The following ZMIZ1 variants were observed in gnomAD, a reference collection of about 807,000 sequenced individuals.
The protein encoded by ZMIZ1 is zinc finger MIZ-type containing 1.
A neutral mutation model predicts 113.9 loss-of-function variants in ZMIZ1; 17 were observed. That is an observed-to-expected ratio of 0.15 (90% confidence interval 0.10 to 0.22). The LOEUF is 0.22. Among genes scored for constraint, ZMIZ1 ranks in the 10% least tolerant of loss-of-function variants. The pLI, the probability that ZMIZ1 is intolerant of heterozygous loss-of-function variation, is 1.00. For synonymous variants in ZMIZ1, 607 were observed against 603.1 expected (o/e 1.01, Z -0.09); for missense variants, 1,059 against 1,477.8 (o/e 0.72, Z 4.65).
chr10:79,075,557 CTGCACACACA>C lies in ZMIZ1; in HGVS notation c.-337+6306_-337+6315del, dbSNP rs544887618. On this transcript the variant is annotated intron_variant, in intron 1 of 24. Coordinates refer to ENST00000334512, the MANE Select transcript of ZMIZ1 (RefSeq NM_020338.4). ...TGTGTGTGTGCACACCTGCACACAG[CTGCACACACA>C]TGCACACACATGCACACATGCACAC... Among the ~76,000 whole-genome samples, 254 of 81,750 alleles carry C rather than the reference CTGCACACACA, an allele frequency of 3.1e-3. 1 individual carries two copies. Among genetic ancestry groups the C allele is most frequent in the African/African-American group, 0.011 (221 of 19,878 alleles). The allele number at this position is 81,750 out of a possible 152,430, so 53.6% of individuals were successfully genotyped here.
intron 7 of ZMIZ1, among the ~76,000 whole-genome samples, chr10:79,269,262 TGTATC>T (rs1327957824): frequency 6.6e-6 from 1 of 152,026 alleles, no homozygotes; most frequent in African/African-American, 2.4e-5. Context: ...CATCTGAAAA[TGTATC>T]ATTCATATTT....
At chr10:79,159,847 C>T (rs1237130423) in intron 3 of ZMIZ1, among the ~76,000 whole-genome samples, 1 of 152,176 alleles carries the variant, frequency 6.6e-6, no homozygotes, top group Admixed American at 6.5e-5. Flanking sequence ...TCTCAGTTTG[C>T]CCCTTTGCAC....
At chr10:79,210,303 G>A (rs897720527) in intron 6 of ZMIZ1, among the ~76,000 whole-genome samples, 3 of 152,218 alleles carry the variant, frequency 2.0e-5, no homozygotes, top group African/African-American at 7.2e-5. Context: ...CGGCCTGGAT[G>A]GACCAGGAAC....
At chr10:79,165,986 G>GTGTGTGTA (rs1846323494) in intron 4 of ZMIZ1, among the ~76,000 whole-genome samples, 1 of 148,054 alleles carries the variant, frequency 6.8e-6, no homozygotes, top group African/African-American at 2.6e-5. Context: ...GTGTGTGTGT[G>GTGTGTGTA]TGTGTGTGTG....
chr10:79,089,084 G>C (rs1462414851), intron 1 of ZMIZ1, among the ~76,000 whole-genome samples: 2 of 152,226 alleles, frequency 1.3e-5, no homozygotes, highest in African/African-American at 4.8e-5. Context: ...CTGTGGACAT[G>C]GTTGTCTGCC....
At position 79,312,704 on chromosome 10, in the gene ZMIZ1, G is replaced by T. The variant is rs148303903; in HGVS notation, c.3159G>T (p.Pro1053=). The T allele has an allele frequency of 6.2e-7, 1 of 1,614,162 alleles. No individual in the cohort carries two copies. The highest frequency in any genetic ancestry group is 8.5e-7 in the Non-Finnish European group (1 of 1,180,012). The part of the protein sequence containing the change: ...LLSYLDPPDL[P]SNSNDDLLSL... The stretch of plus-strand genomic sequence containing the variant: ...CTTATCTGGACCCCCCCGACCTGCC[G>T]AGCAATAGTAACGATGACCTCCTGT... Residue 1053 remains proline, a synonymous_variant, in exon 25 of 25, where the codon CCG becomes CCT. Transcript: ENST00000334512.
At chr10:79,081,470 GTCTGGCTTCTGCTTTTCAAGC>G (rs1470325418) in intron 1 of ZMIZ1, among the ~76,000 whole-genome samples, 1 of 152,174 alleles carries the variant, frequency 6.6e-6, no homozygotes, top group African/African-American at 2.4e-5. Flanking sequence ...GAAGAAAGTG[GTCTGGCTTCTGCTTTTCAAGC>G]AGGGTCAGAC....
chr10:79,194,074 C>T (rs900767100), intron 4 of ZMIZ1, among the ~76,000 whole-genome samples: 5 of 152,212 alleles, frequency 3.3e-5, no homozygotes, highest in African/African-American at 1.2e-4. Context: ...AGCCTCTGCT[C>T]GCGGGCTGTA....
intron 7 of ZMIZ1, among the ~76,000 whole-genome samples, chr10:79,223,847 G>A (rs1849092181): frequency 1.3e-5 from 2 of 152,372 alleles, no homozygotes; most frequent in East Asian, 1.9e-4. Flanking sequence ...CTCCCTGAGG[G>A]ATGAGGCCTG....
intron 1 of ZMIZ1, among the ~76,000 whole-genome samples, chr10:79,111,007 G>T (rs777324346): frequency 3.9e-5 from 6 of 152,248 alleles, no homozygotes; most frequent in Non-Finnish European, 7.3e-5. Context: ...TCCTTGCACA[G>T]TTATGCAGAT....
At chr10:79,089,495 G>A (rs1589258215) in intron 1 of ZMIZ1, among the ~76,000 whole-genome samples, 1 of 152,334 alleles carries the variant, frequency 6.6e-6, no homozygotes, top group Non-Finnish European at 1.5e-5. Flanking sequence ...TCCGACAGAA[G>A]CACTGGACCC....
At chr10:79,272,391 G>A (rs1217198085) in intron 7 of ZMIZ1, among the ~76,000 whole-genome samples, 1 of 152,238 alleles carries the variant, frequency 6.6e-6, no homozygotes, top group East Asian at 1.9e-4. Flanking sequence ...AGGTCACGTA[G>A]GTGTGAAGGG....
chr10:79,302,954 T>C (rs1377560398), intron 18 of ZMIZ1, among the ~76,000 whole-genome samples: 6 of 150,080 alleles, frequency 4.0e-5, no homozygotes, highest in Admixed American at 3.3e-4. Flanking sequence ...CTCCGCCTCC[T>C]AGGTTCACGC....
At chr10:79,122,541 G>A (rs539228699) in intron 2 of ZMIZ1, among the ~76,000 whole-genome samples, 1 of 152,170 alleles carries the variant, frequency 6.6e-6, no homozygotes, top group Admixed American at 6.5e-5. Context: ...TCTCTCCTTG[G>A]CAGACTCACT....
chr10:79,144,891 C>T (rs1845417992), intron 3 of ZMIZ1, among the ~76,000 whole-genome samples: 1 of 152,010 alleles, frequency 6.6e-6, no homozygotes, highest in South Asian at 2.1e-4. Flanking sequence ...TTCCAAGGCC[C>T]TGACCTCCTC....
intron 2 of ZMIZ1, among the ~76,000 whole-genome samples, chr10:79,124,806 G>A (rs576092981): frequency 6.6e-6 from 1 of 152,316 alleles, no homozygotes; most frequent in South Asian, 2.1e-4. Flanking sequence ...AGGGCAGTCC[G>A]GCTGGGGAGG....
chr10:79,265,017 G>A (rs996731258), intron 7 of ZMIZ1, among the ~76,000 whole-genome samples: 1 of 152,184 alleles, frequency 6.6e-6, no homozygotes, highest in African/African-American at 2.4e-5. Context: ...TCCACTGGGT[G>A]AGGCATGGCC....
intron 4 of ZMIZ1, among the ~76,000 whole-genome samples, chr10:79,172,838 GAA>G (rs1256203592): frequency 6.6e-6 from 1 of 152,188 alleles, no homozygotes; most frequent in East Asian, 1.9e-4. Context: ...TGGGAAAGAT[GAA>G]CAACCAGTGT....
At chr10:79,248,176 G>A (rs1690090124) in intron 7 of ZMIZ1, among the ~76,000 whole-genome samples, 1 of 152,170 alleles carries the variant, frequency 6.6e-6, no homozygotes, top group Admixed American at 6.5e-5. Context: ...TACACCCCAA[G>A]AGCTATAGAA....
Sources: gnomAD v4.1 joint callset for allele counts (sites outside exome capture counted in the v4.1 genomes callset) on GRCh38, gnomAD v4.1.1 for gene constraint, MANE v1.5 for transcripts, NCBI Gene and HGNC (gene_info 2026-07-23, HGNC 2026-07-21) for gene names.